The following GABBR2 variants were observed in gnomAD, a reference collection of about 807,000 sequenced individuals.
The protein encoded by GABBR2 is G-protein coupled receptor 51.
Under a neutral mutation model 105.6 loss-of-function variants are expected in GABBR2, and 23 were observed. The observed-to-expected ratio is 0.22, with a 90% confidence interval of 0.16 to 0.31. GABBR2 has a LOEUF of 0.31. Ranked by LOEUF, GABBR2 falls within the 10% of genes least tolerant of loss-of-function variation. The pLI, the probability that GABBR2 is intolerant of heterozygous loss-of-function variation, is 1.00. For missense variants in GABBR2, 734 were observed against 1,245.5 expected (o/e 0.59, Z 6.18); for synonymous variants, 478 against 499.7 (o/e 0.96, Z 0.58).
chr9:98,559,056 G>C (rs1234043864), intron 2 of GABBR2, among the ~76,000 whole-genome samples: 2 of 152,148 alleles, frequency 1.3e-5, no homozygotes, highest in Non-Finnish European at 1.5e-5. Flanking sequence ...TCCTGAAGAA[G>C]ACTGTTCTAG....
rs1564068087 is a variant in GABBR2 at position 98,436,332 on chromosome 9, A to C, written c.1236+17649T>G. On this transcript the variant is annotated intron_variant, in intron 7 of 18. Coordinates refer to ENST00000259455, the MANE Select transcript of GABBR2 (RefSeq NM_005458.8). ...ATAAATATACCATATATATATATAT[A>C]CACACACACACACACCATATATATA... is the stretch of plus-strand genomic sequence containing the variant. Among the ~76,000 whole-genome samples the C allele has an allele frequency of 4.2e-4, 9 of 21,476 alleles. 1 individual carries two copies. The East Asian group carries it at 5.9e-3, about 14-fold the overall frequency. The allele number at this position is 21,476 out of a possible 152,430, so 14.1% of individuals were successfully genotyped here.
At chr9:98,588,314 T>C (rs1223915179) in intron 1 of GABBR2, among the ~76,000 whole-genome samples, 1 of 152,266 alleles carries the variant, frequency 6.6e-6, no homozygotes, top group African/African-American at 2.4e-5. Flanking sequence ...TTCAGTCACC[T>C]ACTAAGTACT....
At chr9:98,539,570 G>A (rs1828249984) in intron 3 of GABBR2, among the ~76,000 whole-genome samples, 1 of 152,122 alleles carries the variant, frequency 6.6e-6, no homozygotes, top group South Asian at 2.1e-4. Flanking sequence ...GAGGAGGGTA[G>A]GAGATATGTC....
intron 1 of GABBR2, among the ~76,000 whole-genome samples, chr9:98,651,489 C>T (rs919184483): frequency 1.3e-5 from 2 of 152,136 alleles, no homozygotes; most frequent in East Asian, 3.9e-4. Flanking sequence ...GGCTAGAGTG[C>T]AGTGGCATAA....
chr9:98,558,608 G>A (rs1428093935), intron 2 of GABBR2, among the ~76,000 whole-genome samples: 1 of 152,202 alleles, frequency 6.6e-6, no homozygotes, highest in African/African-American at 2.4e-5. Context: ...AATCTAAACA[G>A]AATCCTTCCA....
intron 3 of GABBR2, among the ~76,000 whole-genome samples, chr9:98,504,044 C>T (rs1483811892): frequency 6.6e-6 from 1 of 152,134 alleles, no homozygotes; most frequent in Non-Finnish European, 1.5e-5. Flanking sequence ...GCCCCCTGTC[C>T]CCATCTCCTC....
chr9:98,636,147 T>C (rs1333067489), intron 1 of GABBR2, among the ~76,000 whole-genome samples: 1 of 152,144 alleles, frequency 6.6e-6, no homozygotes, highest in Non-Finnish European at 1.5e-5. Flanking sequence ...CCAGAAATAC[T>C]GGCAATTTAA....
intron 7 of GABBR2, among the ~76,000 whole-genome samples, chr9:98,406,359 T>C (rs915392975): frequency 6.6e-6 from 1 of 152,236 alleles, no homozygotes; most frequent in African/African-American, 2.4e-5. Context: ...AAATCAATAA[T>C]GGAACTAACA....
At chr9:98,580,526 G>C (rs993507820) in intron 1 of GABBR2, among the ~76,000 whole-genome samples, 2 of 152,168 alleles carry the variant, frequency 1.3e-5, no homozygotes, top group African/African-American at 4.8e-5. Flanking sequence ...GAAGGCTCAC[G>C]CCCGTAATCC....
At chr9:98,294,725 G>A (rs1387494634) in intron 17 of GABBR2, among the ~76,000 whole-genome samples, 1 of 152,094 alleles carries the variant, frequency 6.6e-6, no homozygotes, top group Non-Finnish European at 1.5e-5. Flanking sequence ...TGATCCAACT[G>A]CCTTAGTCTC....
At chr9:98,576,975 T>TATGG (rs1358214953) in intron 2 of GABBR2, among the ~76,000 whole-genome samples, 1 of 78,146 alleles carries the variant, frequency 1.3e-5, no homozygotes, top group African/African-American at 4.0e-5. Context: ...TGGGTGGATG[T>TATGG]ATGGATGGAT....
At chr9:98,393,338 C>T (rs866850792) in intron 9 of GABBR2, among the ~76,000 whole-genome samples, 1 of 109,898 alleles carries the variant, frequency 9.1e-6, no homozygotes, top group Non-Finnish European at 1.8e-5. Flanking sequence ...CAGGCATCCA[C>T]CCAACCATCC....
intron 13 of GABBR2, among the ~76,000 whole-genome samples, chr9:98,336,381 G>C (rs1440157771): frequency 6.6e-6 from 1 of 152,208 alleles, no homozygotes; most frequent in Non-Finnish European, 1.5e-5. Context: ...AGAATTTTAA[G>C]TGCAAAATAG....
intron 9 of GABBR2, among the ~76,000 whole-genome samples, chr9:98,389,363 T>C (rs1205911725): frequency 6.6e-6 from 1 of 152,126 alleles, no homozygotes; most frequent in Non-Finnish European, 1.5e-5. Context: ...TGGGTACCCG[T>C]GGGTGCCTTC....
chr9:98,513,807 T>G (rs1310406205), intron 3 of GABBR2, among the ~76,000 whole-genome samples: 5 of 152,268 alleles, frequency 3.3e-5, no homozygotes, highest in African/African-American at 1.2e-4. Context: ...ACACTGTTGG[T>G]GGGACTGTAA....
At chr9:98,300,699 A>T (rs1379965775) in intron 16 of GABBR2, among the ~76,000 whole-genome samples, 1 of 151,996 alleles carries the variant, frequency 6.6e-6, no homozygotes, top group Non-Finnish European at 1.5e-5. Context: ...AAACAGAATC[A>T]CTCTCTCTGA....
chr9:98,627,811 T>C (rs1160813611), intron 1 of GABBR2, among the ~76,000 whole-genome samples: 1 of 152,250 alleles, frequency 6.6e-6, no homozygotes, highest in South Asian at 2.1e-4. Flanking sequence ...AGAGGCCATC[T>C]AGTCTAGCGC....
intron 7 of GABBR2, among the ~76,000 whole-genome samples, chr9:98,450,557 G>A (rs1826213277): frequency 6.6e-6 from 1 of 152,176 alleles, no homozygotes; most frequent in Non-Finnish European, 1.5e-5. Flanking sequence ...GTGGGTGGAG[G>A]CAGGGCCTGT....
intron 1 of GABBR2, among the ~76,000 whole-genome samples, chr9:98,641,827 AG>A (rs1245662529): frequency 6.6e-6 from 1 of 152,188 alleles, no homozygotes; most frequent in Non-Finnish European, 1.5e-5. Flanking sequence ...GGCCCTGGCC[AG>A]GTAAGTGTTT....
Sources: gnomAD v4.1 joint callset for allele counts (sites outside exome capture counted in the v4.1 genomes callset) on GRCh38, gnomAD v4.1.1 for gene constraint, MANE v1.5 for transcripts, NCBI Gene and HGNC (gene_info 2026-07-23, HGNC 2026-07-21) for gene names.